The following LAT2 variants were observed in gnomAD, a reference collection of about 807,000 sequenced individuals.
The protein encoded by LAT2 is linker for activation of T-cells family member 2.
A neutral mutation model predicts 43.4 loss-of-function variants in LAT2; 23 were observed. That is an observed-to-expected ratio of 0.53 (90% confidence interval 0.38 to 0.75). The LOEUF is 0.75. LAT2 is among the 30% of genes least tolerant of loss of function. The pLI is 0.00. For missense variants in LAT2, 284 were observed against 310.2 expected, an observed-to-expected ratio of 0.92 and a Z score of 0.64; for synonymous variants, 128 against 123.2, an observed-to-expected ratio of 1.04 and a Z score of -0.26.
At chr7:74,227,396 T>A (rs1052863857) in intron 13 of LAT2, among the ~76,000 whole-genome samples, 1 of 152,018 alleles carries the variant, frequency 6.6e-6, no homozygotes, top group Non-Finnish European at 1.5e-5. Flanking sequence ...ATTTTTGTAT[T>A]TTTAGTAGAG....
Position 74,227,019 on chromosome 7 carries a change from T to TGGGA in LAT2, c.*19-1911_*19-1908dup, listed in dbSNP as rs559044527. On this transcript the variant is annotated intron_variant, in intron 13 of 13. Transcript: ENST00000460943. ...GCACTTGGGGTTTTACTGCATGAGATGGGAGGGAGGGAGGGAGATAGAAAG... is the reference window on the plus strand; with the variant it reads ...GCACTTGGGGTTTTACTGCATGAGATGGGAGGGAGGGAGGGAGGGAGATAGAAAG... 1.7e-3 allele frequency among the ~76,000 whole-genome samples: 245 copies of TGGGA among 140,184 alleles called. 2 individuals carry two copies. The highest frequency in any genetic ancestry group is 0.011 in the Middle Eastern group (3 of 268). 92.0% of individuals were successfully genotyped at this position (140,184 alleles called of 152,430 possible).
chr7:74,227,451 C>A (rs1554716278), intron 13 of LAT2, among the ~76,000 whole-genome samples: 2 of 151,988 alleles, frequency 1.3e-5, no homozygotes, highest in East Asian at 3.9e-4. Context: ...AACTCCTGAC[C>A]TAAAGTGATC....
chr7:74,220,336 G>C lies in LAT2; in HGVS notation c.265+82G>C. ...GCGAAAACCCCATGGGACAGGCGTC[G>C]TGCAGTGGGGGCTGCGGGGCCAGGC... On this transcript the variant is annotated intron_variant, in intron 7 of 13. Transcript: ENST00000460943. This position sits in a 1 kb window ranked among gnomAD's most constrained non-coding sequence, Gnocchi z 4.5. 6.8e-7 allele frequency: 1 copy of C among 1,481,254 alleles called. No homozygotes were observed. Among genetic ancestry groups the C allele is most frequent in the Non-Finnish European group, 9.3e-7 (1 of 1,076,688 alleles). The allele number at this position is 1,481,254 out of a possible 1,614,324, so 91.8% of individuals were successfully genotyped here. A position where few individuals can be genotyped will look rare whatever the true frequency, so the allele number is the denominator to read the frequency against.
In LAT2 at chr7:74,214,459, AATATATATATAAAT is replaced by A. The variant is rs1442388535; in HGVS notation, c.-218-352_-218-339del. Among the ~76,000 whole-genome samples, 36 of 49,664 alleles carry A rather than the reference AATATATATATAAAT, an allele frequency of 7.2e-4. 1 individual carries two copies. Among genetic ancestry groups the A allele is most frequent in the South Asian group, 1.7e-3 (2 of 1,148 alleles). The allele number at this position is 49,664 out of a possible 152,430, so 32.6% of individuals were successfully genotyped here. On this transcript the variant is annotated intron_variant, in intron 1 of 13. Transcript: ENST00000460943. ...ATATATATATAAATATATATATGAA[AATATATATATAAAT>A]ATATATATATGAAAATATATATATA...
chr7:74,223,626 A>G lies in LAT2; in HGVS notation c.389-98A>G, dbSNP rs371588157. 58 of 1,138,664 alleles carry G rather than the reference A, an allele frequency of 5.1e-5. 5 individuals carry two copies. Among genetic ancestry groups the G allele is most frequent in the Admixed American group, 1.6e-4 (9 of 56,660 alleles). The allele number at this position is 1,138,664 out of a possible 1,614,324, so 70.5% of individuals were successfully genotyped here. A position where few individuals can be genotyped will look rare whatever the true frequency, so the allele number is the denominator to read the frequency against. ...CCAGAGGGCTAGGGCTTGGCGGAAG[A>G]GGTCCCCTGCAAAGGGAAGGCAGGA... is the stretch of plus-strand genomic sequence containing the variant. On this transcript the variant is annotated intron_variant, in intron 10 of 13. Transcript: ENST00000460943.
chr7:74,223,658 G>A (rs373550107), intron 10 of LAT2, 66 bp from the exon 11 acceptor site: 38 of 1,447,948 alleles, frequency 2.6e-5, no homozygotes, highest in African/African-American at 1.3e-4. Flanking sequence ...AGGACAGAGC[G>A]GGAGGATGAG....
In LAT2 at chr7:74,213,110, C is replaced by CATTATT. The variant is rs573884115; in HGVS notation, c.-218-1696_-218-1691dup. On this transcript the variant is annotated intron_variant, in intron 1 of 13. Transcript: ENST00000460943. ...GGAGGTAGGCAGCCTGGAGCTCCTC[C>CATTATT]ATTATTATTATTATTATTATTGAGA... 1.8e-4 allele frequency among the ~76,000 whole-genome samples: 28 copies of CATTATT among 151,792 alleles called. No homozygotes were observed. In the South Asian group the frequency reaches 3.1e-3, roughly 17 times the overall value.
chr7:74,219,548 C>A (rs1213810911), intron 4 of LAT2, among the ~76,000 whole-genome samples, 196 bp from the exon 5 acceptor site: 1 of 152,184 alleles, frequency 6.6e-6, no homozygotes, highest in Non-Finnish European at 1.5e-5. Flanking sequence ...ACCCAGTGCA[C>A]GGAGGGGCCA....
Position 74,220,207 on chromosome 7 carries a change from C to T in LAT2, c.228-10C>T, listed in dbSNP as rs1317267311. On this transcript the variant is annotated splice_polypyrimidine_tract_variant and intron_variant, in intron 6 of 13. Transcript: ENST00000460943. The surrounding 1 kb of genome is among the most constrained non-coding windows in gnomAD (Gnocchi z 4.5). Reference sequence around the variant, plus strand: ...CCCTCCTTTAACTCCCTCCTTCCCCCTCCCTGCAGGAAGGACAAGCTGTTG... The same window carrying T: ...CCCTCCTTTAACTCCCTCCTTCCCCTTCCCTGCAGGAAGGACAAGCTGTTG... 5 of 1,605,322 alleles carry T rather than the reference C, an allele frequency of 3.1e-6. No individual in the cohort carries two copies. Among genetic ancestry groups the T allele is most frequent in the African/African-American group, 1.3e-5 (1 of 74,754 alleles).
intron 10 of LAT2, among the ~76,000 whole-genome samples, chr7:74,223,482 G>A (rs555500764): frequency 2.7e-4 from 41 of 152,154 alleles, no homozygotes; most frequent in Non-Finnish European, 4.4e-4. Context: ...GAGCAAGACC[G>A]TCTCAACAAG....
chr7:74,220,081 G>C lies in LAT2; in HGVS notation c.227+73G>C. On this transcript the variant is annotated intron_variant, in intron 6 of 13. Transcript: ENST00000460943. The surrounding 1 kb of genome is among the most constrained non-coding windows in gnomAD (Gnocchi z 4.5). ...TCCTCACCTGGTGAGCCCAGGTCAA[G>C]ACCTCCCTCCCTCCCCGAGTCCCAG... The C allele has an allele frequency of 1.9e-6, 3 of 1,581,912 alleles. No individual in the cohort carries two copies. The highest frequency in any genetic ancestry group is 2.6e-6 in the Non-Finnish European group (3 of 1,158,138).
Position 74,223,883 on chromosome 7 carries a change from T to C in LAT2, c.448+100T>C, listed in dbSNP as rs1802384758. On this transcript the variant is annotated intron_variant, in intron 11 of 13. Coordinates refer to ENST00000460943, the MANE Select transcript of LAT2 (RefSeq NM_032464.3). ...CACTGCTCAAAGGCCGCCCCCACTT[T>C]GAAGCCTGAAGGCTCTCGGATCCCC... 12 of 1,484,424 alleles carry C rather than the reference T, an allele frequency of 8.1e-6. No individual in the cohort carries two copies. The Admixed American group carries it at 2.1e-4, about 26-fold the overall frequency. 92.0% of individuals were successfully genotyped at this position (1,484,424 alleles called of 1,614,324 possible).
chr7:74,215,435 G>T (rs1473716858), intron 2 of LAT2, among the ~76,000 whole-genome samples: 1 of 152,158 alleles, frequency 6.6e-6, no homozygotes, highest in Non-Finnish European at 1.5e-5. Flanking sequence ...AGGGCTTCCG[G>T]GTGCGTCTGC....
intron 13 of LAT2, among the ~76,000 whole-genome samples, chr7:74,227,176 C>T (rs1186663351): frequency 2.0e-5 from 3 of 149,764 alleles, no homozygotes; most frequent in African/African-American, 2.5e-5. Flanking sequence ...CGAGTAGCTG[C>T]GATTACAGGT....
intron 1 of LAT2, among the ~76,000 whole-genome samples, chr7:74,212,110 A>C (rs1383065727): frequency 6.6e-6 from 1 of 151,214 alleles, no homozygotes; most frequent in East Asian, 1.9e-4. Flanking sequence ...CGCCTGCCTA[A>C]TTTTTTCATT....
chr7:74,219,570 T>C (rs760800256), intron 4 of LAT2, among the ~76,000 whole-genome samples, 174 bp from the exon 5 acceptor site: 2 of 152,168 alleles, frequency 1.3e-5, no homozygotes, highest in Non-Finnish European at 2.9e-5. Flanking sequence ...AGAATGGGGA[T>C]AGCATGGGGA....
Position 74,213,626 on chromosome 7 carries a change from T to C in LAT2, c.-218-1196T>C, listed in dbSNP as rs532607580. 1.7e-3 allele frequency among the ~76,000 whole-genome samples: 252 copies of C among 152,000 alleles called. 1 individual carries two copies. Among genetic ancestry groups the C allele is most frequent in the African/African-American group, 5.7e-3 (238 of 41,448 alleles). ...TTTTAGTAGAGATGGGGTTTCACCA[T>C]GTTGGTCAGGCTAGTCTCGAACTCC... On this transcript the variant is annotated intron_variant, in intron 1 of 13. Coordinates refer to ENST00000460943, the MANE Select transcript of LAT2 (RefSeq NM_032464.3).
intron 13 of LAT2, chr7:74,225,446 G>A (rs1554715989): frequency 6.6e-6 from 1 of 152,394 alleles, no homozygotes; most frequent in East Asian, 1.9e-4. Flanking sequence ...GCAGGCACTC[G>A]GTCAATGCTG....
intron 9 of LAT2, 89 bp from the exon 10 acceptor site, chr7:74,221,548 C>A: frequency 1.1e-6 from 1 of 914,702 alleles, no homozygotes; most frequent in Non-Finnish European, 1.7e-6. Flanking sequence ...ATGGTGGGAG[C>A]AGCCCTGGCC....
Sources: allele counts gnomAD v4.1 joint callset (sites outside exome capture counted in the v4.1 genomes callset), GRCh38; gene constraint gnomAD v4.1.1; non-coding constraint Gnocchi (gnomAD v3.1); transcripts MANE v1.5; gene names NCBI Gene and HGNC (gene_info 2026-07-23, HGNC 2026-07-21).